CADM2: variants seen among roughly 807,000 people sequenced by gnomAD.
The protein encoded by CADM2 is immunoglobulin superfamily member 4D.
In CADM2, 12 loss-of-function variants were observed where a neutral mutation model predicts 49.8. The ratio of observed to expected loss-of-function variants is 0.24; its 90% CI spans 0.15 to 0.39. The LOEUF (loss-of-function observed/expected upper bound fraction) is 0.39. CADM2 is among the 10% of genes least tolerant of loss of function. CADM2 has a pLI of 1.00. For synonymous variants in CADM2, 214 were observed against 175.4 expected (o/e 1.22, Z -1.74); for missense variants, 378 against 492.3 (o/e 0.77, Z 2.20).
At chr3:85,351,204 A>G (rs1230650809) in intron 1 of CADM2, among the ~76,000 whole-genome samples, 1 of 152,086 alleles carries the variant, frequency 6.6e-6, no homozygotes, top group Admixed American at 6.6e-5. Context: ...GATTGAACTG[A>G]AAAAAACAAG....
At chr3:85,748,330 G>A (rs2107849067) in intron 2 of CADM2, among the ~76,000 whole-genome samples, 1 of 149,714 alleles carries the variant, frequency 6.7e-6, no homozygotes, top group Non-Finnish European at 1.5e-5. Context: ...TTTATGTCTA[G>A]ACATCCATTT....
At chr3:85,764,042 AG>A (rs2069527891) in intron 2 of CADM2, among the ~76,000 whole-genome samples, 1 of 152,164 alleles carries the variant, frequency 6.6e-6, no homozygotes, top group South Asian at 2.1e-4. Context: ...AATGGGAAAA[AG>A]AAATAAGAAC....
chr3:85,158,535 T>C (rs1189828980), intron 1 of CADM2, among the ~76,000 whole-genome samples: 15 of 152,172 alleles, frequency 9.9e-5, no homozygotes, highest in Non-Finnish European at 1.6e-4. Context: ...TTCATGTCCT[T>C]TGTAGGGACA....
At chr3:85,212,842 C>CTTTCTTTCTTTCTTT (rs2041817469) in intron 1 of CADM2, among the ~76,000 whole-genome samples, 4 of 113,894 alleles carry the variant, frequency 3.5e-5, no homozygotes, top group African/African-American at 1.6e-4. Context: ...TTCTTTCTTT[C>CTTTCTTTCTTTCTTT]TTTCTTTCTT....
At chr3:85,799,397 G>T (rs567268861) in intron 2 of CADM2, among the ~76,000 whole-genome samples, 39 of 152,216 alleles carry the variant, frequency 2.6e-4, no homozygotes, top group Non-Finnish European at 5.0e-4. Flanking sequence ...TTATGATATT[G>T]GCTGTGGGTT....
chr3:85,451,415 C>A (rs1215428394), intron 1 of CADM2, among the ~76,000 whole-genome samples: 1 of 152,038 alleles, frequency 6.6e-6, no homozygotes. Flanking sequence ...TTCATAGTTT[C>A]TATTTTTATG....
intron 1 of CADM2, among the ~76,000 whole-genome samples, chr3:85,279,051 T>C (rs1025553531): frequency 2.0e-5 from 3 of 151,454 alleles, no homozygotes; most frequent in Non-Finnish European, 4.4e-5. Context: ...AAAAGAGAGA[T>C]GCATATACTG....
At chr3:85,803,431 G>T (rs1366957665) in intron 3 of CADM2, among the ~76,000 whole-genome samples, 1 of 151,882 alleles carries the variant, frequency 6.6e-6, no homozygotes, top group African/African-American at 2.4e-5. Context: ...GAATGAACCA[G>T]GGATAAAGGA....
intron 1 of CADM2, among the ~76,000 whole-genome samples, chr3:85,032,374 T>C (rs2035026427): frequency 6.6e-6 from 1 of 152,126 alleles, no homozygotes; most frequent in Non-Finnish European, 1.5e-5. Flanking sequence ...AATGCTGTTA[T>C]TGCAAAAGCA....
At chr3:85,594,873 A>G (rs2063200264) in intron 1 of CADM2, among the ~76,000 whole-genome samples, 1 of 151,988 alleles carries the variant, frequency 6.6e-6, no homozygotes, top group Non-Finnish European at 1.5e-5. Flanking sequence ...TGTGCTTGTT[A>G]CTACTTGGCA....
At chr3:85,128,287 T>C (rs2039106239) in intron 1 of CADM2, among the ~76,000 whole-genome samples, 1 of 152,202 alleles carries the variant, frequency 6.6e-6, no homozygotes, top group South Asian at 2.1e-4. Flanking sequence ...TAATTTTCTA[T>C]TTAATGGTTT....
chr3:85,776,236 G>GT (rs1401365929), intron 2 of CADM2, among the ~76,000 whole-genome samples: 1 of 151,182 alleles, frequency 6.6e-6, no homozygotes, highest in Non-Finnish European at 1.5e-5. Context: ...ACATCTTTAA[G>GT]TTTTTTTAAA....
chr3:85,978,714 G>A (rs1029667523), intron 8 of CADM2, among the ~76,000 whole-genome samples: 2 of 151,644 alleles, frequency 1.3e-5, no homozygotes, highest in South Asian at 2.1e-4. Flanking sequence ...AAATCAAAAA[G>A]CATTTAACAT....
intron 6 of CADM2, among the ~76,000 whole-genome samples, chr3:85,933,435 C>T (rs1208664820): frequency 6.6e-6 from 1 of 152,126 alleles, no homozygotes; most frequent in Non-Finnish European, 1.5e-5. Context: ...CTTCCTGTCT[C>T]ACTTCTCAAG....
chr3:85,242,509 A>T (rs1470256762), intron 1 of CADM2, among the ~76,000 whole-genome samples: 1 of 151,644 alleles, frequency 6.6e-6, no homozygotes, highest in African/African-American at 2.4e-5. Context: ...GTATTTTAGA[A>T]ATTTAATCAA....
intron 8 of CADM2, among the ~76,000 whole-genome samples, chr3:85,981,586 C>T (rs966406033): frequency 4.0e-5 from 6 of 151,646 alleles, no homozygotes; most frequent in African/African-American, 7.3e-5. Flanking sequence ...TTAGCTCTGA[C>T]TTATAAGTGA....
At chr3:85,445,606 A>G (rs2037412217) in intron 1 of CADM2, among the ~76,000 whole-genome samples, 1 of 152,124 alleles carries the variant, frequency 6.6e-6, no homozygotes, top group Non-Finnish European at 1.5e-5. Flanking sequence ...TTATCCCATC[A>G]ATAAGCATTT....
chr3:85,299,618 T>A (rs879301345), intron 1 of CADM2, among the ~76,000 whole-genome samples: 2 of 152,082 alleles, frequency 1.3e-5, no homozygotes, highest in Non-Finnish European at 2.9e-5. Flanking sequence ...ACTCCAAAGC[T>A]GTTCTGCCTG....
intron 1 of CADM2, among the ~76,000 whole-genome samples, chr3:85,708,302 C>G (rs1032245417): frequency 6.6e-6 from 1 of 151,872 alleles, no homozygotes; most frequent in African/African-American, 2.4e-5. Context: ...GATACAGGTA[C>G]TTTATTTACA....
Sources: gnomAD v4.1 joint callset for allele counts (sites outside exome capture counted in the v4.1 genomes callset) on GRCh38, gnomAD v4.1.1 for gene constraint, MANE v1.5 for transcripts, NCBI Gene and HGNC (gene_info 2026-07-23, HGNC 2026-07-21) for gene names.